RTN1: variants seen among roughly 807,000 people sequenced by gnomAD.
RTN1 encodes reticulon-1.
In RTN1, 25 loss-of-function variants were observed where a neutral mutation model predicts 65.5. The observed-to-expected ratio is 0.38, with a 90% CI of 0.28 to 0.53. The LOEUF (loss-of-function observed/expected upper bound fraction) is 0.53. Among genes scored for constraint, RTN1 ranks in the 20% least tolerant of loss-of-function variants. RTN1 has a pLI of 0.79. For missense variants in RTN1, 983 were observed against 1,025.4 expected (o/e 0.96, Z 0.57); for synonymous variants, 471 against 447.6 (o/e 1.05, Z -0.66).
rs1816847556 is a variant in RTN1 at position 59,825,700 on chromosome 14, G to GAGTTACACAGTACACAGTTACAC, written c.241+44689_241+44690insGTGTAACTGTGTACTGTGTAACT. Among the ~76,000 whole-genome samples, 1 of 152,212 alleles carries GAGTTACACAGTACACAGTTACAC rather than the reference G, an allele frequency of 6.6e-6. No homozygotes were observed. The highest frequency in any genetic ancestry group is 1.5e-5 in the Non-Finnish European group (1 of 68,034). Reference sequence around the variant, plus strand: ...GGAATAGTGTTACTGTGTGCTCTTAGAGTTACACAGAATTTTACAGTCTAC... The same window carrying GAGTTACACAGTACACAGTTACAC: ...GGAATAGTGTTACTGTGTGCTCTTAGAGTTACACAGTACACAGTTACACAGTTACACAGAATTTTACAGTCTAC... On this transcript the variant is annotated intron_variant, in intron 1 of 8. Coordinates refer to ENST00000267484, the MANE Select transcript of RTN1 (RefSeq NM_021136.3). The surrounding 1 kb of genome is among the most constrained non-coding windows in gnomAD (Gnocchi z 4.2).
chr14:59,843,452 T>C (rs1887350844), intron 1 of RTN1, among the ~76,000 whole-genome samples: 1 of 152,256 alleles, frequency 6.6e-6, no homozygotes. Flanking sequence ...TGTATGTTAA[T>C]TACATCTCAG....
At chr14:59,638,414 T>G (rs1191034749) in intron 3 of RTN1, among the ~76,000 whole-genome samples, 1 of 152,194 alleles carries the variant, frequency 6.6e-6, no homozygotes, top group East Asian at 1.9e-4. Context: ...TTATCCAGGC[T>G]TTGATGTTAA....
At chr14:59,646,653 A>G (rs1227896467) in intron 3 of RTN1, among the ~76,000 whole-genome samples, 1 of 152,238 alleles carries the variant, frequency 6.6e-6, no homozygotes, top group African/African-American at 2.4e-5. Flanking sequence ...TTCTCAATGA[A>G]GAAAATCTTC....
At chr14:59,675,732 G>A (rs1307256876) in intron 3 of RTN1, among the ~76,000 whole-genome samples, 2 of 151,784 alleles carry the variant, frequency 1.3e-5, no homozygotes, top group Non-Finnish European at 1.5e-5. Context: ...TGAAACTCAG[G>A]GGTATCCAAT....
intron 3 of RTN1, among the ~76,000 whole-genome samples, chr14:59,694,459 CAG>C (rs1186543784): frequency 6.6e-6 from 1 of 152,102 alleles, no homozygotes; most frequent in African/African-American, 2.4e-5. Flanking sequence ...TTCTGAGAAT[CAG>C]AGATTTATCA....
chr14:59,692,700 G>A (rs1215452721), intron 3 of RTN1, among the ~76,000 whole-genome samples: 1 of 152,064 alleles, frequency 6.6e-6, no homozygotes, highest in African/African-American at 2.4e-5. Flanking sequence ...CATGGTACTG[G>A]CACAAAAATA....
chr14:59,605,293 T>C, intron 5 of RTN1, 75 bp downstream of exon 5: 1 of 1,466,512 alleles, frequency 6.8e-7, no homozygotes, highest in East Asian at 2.3e-5. Flanking sequence ...CTTCTTGATG[T>C]AGCAGTTTAC....
At chr14:59,837,019 AG>A (rs2139647754) in intron 1 of RTN1, among the ~76,000 whole-genome samples, 1 of 149,020 alleles carries the variant, frequency 6.7e-6, no homozygotes, top group East Asian at 2.1e-4. Flanking sequence ...CAGAAGAATA[AG>A]GGGTAAGTAT....
intron 1 of RTN1, among the ~76,000 whole-genome samples, chr14:59,824,446 G>A (rs1484722839): frequency 1.3e-5 from 2 of 152,096 alleles, no homozygotes; most frequent in East Asian, 3.8e-4. Context: ...ATGTGTAGAG[G>A]GTGGAGAGTT....
intron 3 of RTN1, among the ~76,000 whole-genome samples, chr14:59,661,338 AC>A (rs1309406145): frequency 6.6e-6 from 1 of 151,466 alleles, no homozygotes; most frequent in African/African-American, 2.4e-5. Flanking sequence ...AGGAGCTGGT[AC>A]CATTCCTTCT....
At chr14:59,772,274 A>T (rs1885973175) in intron 1 of RTN1, among the ~76,000 whole-genome samples, 1 of 152,160 alleles carries the variant, frequency 6.6e-6, no homozygotes, top group African/African-American at 2.4e-5. Flanking sequence ...TCCTGAAATG[A>T]TTTTAAATTT....
intron 3 of RTN1, among the ~76,000 whole-genome samples, chr14:59,632,144 G>A (rs559429060): frequency 5.9e-5 from 9 of 152,206 alleles, no homozygotes; most frequent in South Asian, 4.2e-4. Flanking sequence ...GCCTCTCTGC[G>A]TATCTTTGTA....
chr14:59,706,118 C>T (rs959346992), intron 3 of RTN1, among the ~76,000 whole-genome samples: 1 of 152,208 alleles, frequency 6.6e-6, no homozygotes, highest in South Asian at 2.1e-4. Context: ...GCTCATGACA[C>T]CACACCCGAC....
chr14:59,719,307 C>A (rs1472340301), intron 3 of RTN1, among the ~76,000 whole-genome samples: 2 of 152,180 alleles, frequency 1.3e-5, no homozygotes, highest in African/African-American at 2.4e-5. Flanking sequence ...CTGTCTCTGG[C>A]CTTTGCATTT....
At chr14:59,605,605 AGG>A in intron 4 of RTN1, 99 bp from the exon 5 acceptor site, 1 of 1,321,880 alleles carries the variant, frequency 7.6e-7, no homozygotes, top group Non-Finnish European at 1.1e-6. Flanking sequence ...TCTCACTCTG[AGG>A]GTGAGAGCAG....
intron 3 of RTN1, among the ~76,000 whole-genome samples, chr14:59,618,090 T>A (rs1216163215): frequency 1.3e-5 from 2 of 152,248 alleles, no homozygotes; most frequent in African/African-American, 4.8e-5. Flanking sequence ...TCCTTGTTCA[T>A]TCCTGGGTGT....
intron 1 of RTN1, among the ~76,000 whole-genome samples, chr14:59,782,797 GT>G (rs1277787864): frequency 3.9e-5 from 6 of 152,086 alleles, no homozygotes; most frequent in Non-Finnish European, 1.5e-5. Context: ...GCTATATAAT[GT>G]TACTGAATAG....
In RTN1 at chr14:59,728,105, C is replaced by T. The variant is rs529874580; in HGVS notation, c.1016-437G>A. 1.4e-4 allele frequency among the ~76,000 whole-genome samples: 22 copies of T among 152,206 alleles called. 1 individual carries two copies. The South Asian group carries it at 4.4e-3, about 30-fold the overall frequency. ...GTATACAGCACTCTAATTGGGCCCA[C>T]GAATATCAACAAATCTGAAAATCAC... On this transcript the variant is annotated intron_variant, in intron 2 of 8. Transcript: ENST00000267484.
At chr14:59,856,011 G>A (rs1887600851) in intron 1 of RTN1, among the ~76,000 whole-genome samples, 2 of 152,184 alleles carry the variant, frequency 1.3e-5, no homozygotes, top group East Asian at 1.9e-4. Flanking sequence ...TTTTTTTGTG[G>A]GTGTTTTTTG....
Sources: gnomAD v4.1 joint callset for allele counts (sites outside exome capture counted in the v4.1 genomes callset) on GRCh38, gnomAD v4.1.1 for gene constraint, Gnocchi (gnomAD v3.1) non-coding constraint, MANE v1.5 for transcripts, NCBI Gene and HGNC (gene_info 2026-07-23, HGNC 2026-07-21) for gene names.